Variants in IPCEF1 observed in about 807,000 individuals in gnomAD.
The protein encoded by IPCEF1 is interaction protein for cytohesin exchange factors 1, also known as interactor protein for cytohesin exchange factors 1.
IPCEF1 carries 31 observed loss-of-function variants against 50.9 expected under a neutral mutation model. The ratio of observed to expected loss-of-function variants is 0.61; its 90% CI spans 0.46 to 0.82. The LOEUF (loss-of-function observed/expected upper bound fraction) is 0.82, where lower values mean the gene tolerates loss of function less well. Ranked by LOEUF, IPCEF1 falls within the 40% of genes least tolerant of loss-of-function variation. The pLI is 0.00. For missense variants in IPCEF1, 458 were observed against 514.0 expected (o/e 0.89, Z 1.05); for synonymous variants, 181 against 192.0 (o/e 0.94, Z 0.47).
chr6:154,349,519 A>G (rs537094950), intron 1 of IPCEF1, among the ~76,000 whole-genome samples: 3 of 152,024 alleles, frequency 2.0e-5, no homozygotes, highest in African/African-American at 7.2e-5. Flanking sequence ...ATTTCAAGTG[A>G]TCCTCACACC....
intron 7 of IPCEF1, among the ~76,000 whole-genome samples, chr6:154,215,986 G>T (rs560414783): frequency 6.6e-6 from 1 of 152,228 alleles, no homozygotes; most frequent in Admixed American, 6.5e-5. Flanking sequence ...TATTTAGCAG[G>T]AAACAGAAAA....
chr6:154,296,843 A>AT (rs1782675864), intron 1 of IPCEF1, among the ~76,000 whole-genome samples: 1 of 147,518 alleles, frequency 6.8e-6, no homozygotes, highest in Non-Finnish European at 1.5e-5. Context: ...AAAAAAAAAA[A>AT]GAAAAAAAAA....
intron 2 of IPCEF1, among the ~76,000 whole-genome samples, chr6:154,284,893 G>A (rs749865883): frequency 3.3e-5 from 5 of 152,038 alleles, no homozygotes; most frequent in South Asian, 2.1e-4. Context: ...CCAGCTACTC[G>A]GGAGACTGAG....
chr6:154,355,434 T>G (rs1414248043), intron 1 of IPCEF1, among the ~76,000 whole-genome samples: 2 of 152,010 alleles, frequency 1.3e-5, no homozygotes, highest in South Asian at 4.1e-4. Flanking sequence ...CTTGCTTGCA[T>G]GATGTGAGCA....
Position 154,192,798 on chromosome 6 carries a change from G to C in IPCEF1, c.910+6870C>G, listed in dbSNP as rs192098870. On this transcript the variant is annotated intron_variant, in intron 10 of 11. Coordinates refer to ENST00000367220, the MANE Select transcript of IPCEF1 (RefSeq NM_001130700.2). ...GTGATGGAAACCACTAATTGCCAGG[G>C]AAATGCAAATCAAAACCATAATGTG... Among the ~76,000 whole-genome samples the C allele has an allele frequency of 2.0e-5, 3 of 152,256 alleles. No homozygotes were observed. In the East Asian group the frequency reaches 5.8e-4, roughly 29 times the overall value.
intron 9 of IPCEF1, among the ~76,000 whole-genome samples, chr6:154,204,646 A>C (rs1284167817): frequency 6.6e-6 from 1 of 152,122 alleles, no homozygotes; most frequent in Non-Finnish European, 1.5e-5. Flanking sequence ...TGTGATCCTT[A>C]GTATCCATGT....
At chr6:154,288,180 T>G (rs1256156422) in intron 2 of IPCEF1, among the ~76,000 whole-genome samples, 3 of 152,216 alleles carry the variant, frequency 2.0e-5, no homozygotes, top group East Asian at 1.9e-4. Context: ...TAATGAGTTA[T>G]GACTAACAGT....
At chr6:154,199,116 G>A (rs543185855) in intron 10 of IPCEF1, among the ~76,000 whole-genome samples, 3 of 152,248 alleles carry the variant, frequency 2.0e-5, no homozygotes, top group East Asian at 1.9e-4. Context: ...TTTTCTGAAC[G>A]CATGAGTTGT....
intron 1 of IPCEF1, among the ~76,000 whole-genome samples, chr6:154,294,308 T>G (rs753647965): frequency 6.6e-6 from 1 of 152,204 alleles, no homozygotes; most frequent in Middle Eastern, 3.2e-3. Flanking sequence ...CGAATCCTTT[T>G]TATTATATCA....
At chr6:154,169,115 C>T (rs1417155737) in intron 10 of IPCEF1, among the ~76,000 whole-genome samples, 2 of 151,768 alleles carry the variant, frequency 1.3e-5, no homozygotes, top group Admixed American at 6.6e-5. Context: ...AATCCCAACA[C>T]TTTGGGAGGC....
intron 10 of IPCEF1, among the ~76,000 whole-genome samples, chr6:154,197,070 T>C (rs1176971484): frequency 6.6e-6 from 1 of 152,198 alleles, no homozygotes; most frequent in Non-Finnish European, 1.5e-5. Context: ...TTCCAGCAAA[T>C]GCATCCTGAG....
At chr6:154,304,783 T>A (rs1229147432) in intron 1 of IPCEF1, among the ~76,000 whole-genome samples, 1 of 152,140 alleles carries the variant, frequency 6.6e-6, no homozygotes, top group Non-Finnish European at 1.5e-5. Context: ...AAAAAAATCA[T>A]CATCTGCATT....
At chr6:154,332,653 A>T (rs1351143946) in intron 1 of IPCEF1, among the ~76,000 whole-genome samples, 1 of 152,190 alleles carries the variant, frequency 6.6e-6, no homozygotes, top group Non-Finnish European at 1.5e-5. Context: ...ATGCTAATTA[A>T]GAGTGCTCTC....
chr6:154,355,142 A>C (rs1784194062), intron 1 of IPCEF1, among the ~76,000 whole-genome samples: 1 of 152,152 alleles, frequency 6.6e-6, no homozygotes, highest in South Asian at 2.1e-4. Context: ...AGCAGAAGTG[A>C]GCTGTTCAAA....
chr6:154,229,329 T>C (rs2128624331), intron 5 of IPCEF1, among the ~76,000 whole-genome samples: 1 of 150,900 alleles, frequency 6.6e-6, no homozygotes, highest in South Asian at 2.1e-4. Flanking sequence ...CAGAAGGCAG[T>C]GTGGAAAAGT....
At chr6:154,211,027 G>A (rs1264253275) in intron 9 of IPCEF1, among the ~76,000 whole-genome samples, 1 of 152,146 alleles carries the variant, frequency 6.6e-6, no homozygotes, top group East Asian at 1.9e-4. Context: ...CAGAAATTCT[G>A]GCAGAAAAGG....
chr6:154,334,002 C>T (rs138739334), intron 1 of IPCEF1, among the ~76,000 whole-genome samples: 5 of 152,182 alleles, frequency 3.3e-5, no homozygotes, highest in Non-Finnish European at 5.9e-5. Flanking sequence ...GAGAAAGACA[C>T]AGAAATGAGA....
intron 10 of IPCEF1, among the ~76,000 whole-genome samples, chr6:154,186,690 G>A (rs1583741606): frequency 6.6e-6 from 1 of 152,158 alleles, no homozygotes; most frequent in African/African-American, 2.4e-5. Flanking sequence ...CCGAGTAGCT[G>A]GGACTACAGG....
Position 154,154,792 on chromosome 6 carries a change from C to A in IPCEF1, c.*5036G>T, listed in dbSNP as rs577209519. On this transcript the variant is annotated 3_prime_UTR_variant, in exon 12 of 12. Coordinates refer to ENST00000367220, the MANE Select transcript of IPCEF1 (RefSeq NM_001130700.2). ...TAAAGCAGGAGAGAAATGAGCCATG[C>A]CTCTTTTTCAGTTTAGAGGGGTAGC... 2 of 152,348 alleles carry A rather than the reference C, an allele frequency of 1.3e-5. No individual in the cohort carries two copies. Among genetic ancestry groups the A allele is most frequent in the African/African-American group, 4.8e-5 (2 of 41,306 alleles). The allele number at this position is 152,348 out of a possible 1,614,324, so 9.4% of individuals were successfully genotyped here. A position where few individuals can be genotyped will look rare whatever the true frequency, so the allele number is the denominator to read the frequency against.
Sources: gnomAD v4.1 joint callset for allele counts (sites outside exome capture counted in the v4.1 genomes callset) on GRCh38, gnomAD v4.1.1 for gene constraint, MANE v1.5 for transcripts, NCBI Gene and HGNC (gene_info 2026-07-23, HGNC 2026-07-21) for gene names.